Variants in GABRR1 observed in about 807,000 individuals in gnomAD.
GABRR1 encodes gamma-aminobutyric acid receptor subunit rho-1.
GABRR1 carries 59 observed loss-of-function variants against 55.5 expected under a neutral mutation model. The observed-to-expected ratio is 1.06, with a 90% CI of 0.86 to 1.32. The LOEUF (loss-of-function observed/expected upper bound fraction) is 1.32, where lower values mean the gene tolerates loss of function less well. GABRR1 is among the 40% of genes most tolerant of loss of function. The pLI, the probability that GABRR1 is intolerant of heterozygous loss-of-function variation, is 0.00. For missense variants in GABRR1, 602 were observed against 619.1 expected (o/e 0.97, Z 0.29); for synonymous variants, 213 against 226.0 (o/e 0.94, Z 0.51).
rs1487757791 is a variant in GABRR1, at chr6:89,178,563, G to A, written c.*207C>T. The A allele has an allele frequency of 3.4e-6, 2 of 582,516 alleles. No individual in the cohort carries two copies. Among genetic ancestry groups the A allele is most frequent in the East Asian group, 5.8e-5 (2 of 34,526 alleles). 36.1% of individuals were successfully genotyped at this position (582,516 alleles called of 1,614,324 possible). A position where few individuals can be genotyped will look rare whatever the true frequency, so the allele number is the denominator to read the frequency against. On this transcript the variant is annotated 3_prime_UTR_variant, in exon 10 of 10. Transcript: ENST00000454853. ...TATTTCCTGCAGCACCTAATATAAT[G>A]CTGTGTATTCAATAGATGGTTAATA...
chr6:89,215,388 C>T (rs540763038), intron 1 of GABRR1, among the ~76,000 whole-genome samples: 61 of 152,338 alleles, frequency 4.0e-4, no homozygotes, highest in Non-Finnish European at 2.8e-4. Context: ...TGCAACAGCA[C>T]GCATAAACCT....
chr6:89,209,440 G>A (rs1164759523), intron 1 of GABRR1, among the ~76,000 whole-genome samples: 1 of 152,014 alleles, frequency 6.6e-6, no homozygotes, highest in South Asian at 2.1e-4. Context: ...AATCCCCATA[G>A]CCAATTAAAT....
intron 9 of GABRR1, among the ~76,000 whole-genome samples, chr6:89,179,962 C>T (rs1172149742): frequency 3.3e-5 from 5 of 152,130 alleles, no homozygotes; most frequent in African/African-American, 1.2e-4. Context: ...ATTTGTCCCA[C>T]TATGTTAAAT....
At chr6:89,187,381 C>T (rs765741765) in intron 6 of GABRR1, among the ~76,000 whole-genome samples, 2 of 152,130 alleles carry the variant, frequency 1.3e-5, no homozygotes, top group African/African-American at 2.4e-5. Context: ...TACATAAATA[C>T]AGCCATTCTT....
chr6:89,204,595 C>T, intron 1 of GABRR1: 2 of 1,264,290 alleles, frequency 1.6e-6, no homozygotes, highest in East Asian at 5.6e-5. Flanking sequence ...CCAGCTCTTA[C>T]TTTGACTTTG....
At chr6:89,216,401 G>A (rs537492396) in intron 1 of GABRR1, among the ~76,000 whole-genome samples, 1 of 152,314 alleles carries the variant, frequency 6.6e-6, no homozygotes, top group African/African-American at 2.4e-5. Flanking sequence ...AATCAACAAC[G>A]CCCTACTGTC....
rs370940611 is a variant in GABRR1 at position 89,198,236 on chromosome 6, G to A, written c.356C>T (p.Thr119Met). 2.5e-4 allele frequency: 406 copies of A among 1,613,324 alleles called. 3 individuals are homozygous for A. The highest frequency in any genetic ancestry group is 2.0e-3 in the South Asian group (185 of 91,056). The change falls in exon 5 of 10, where the codon ACG (threonine) becomes ATG (methionine). Residue 119 changes from threonine to methionine, a missense_variant. This residue lies in a region of GABRR1 where 435 missense variants were observed against 424.2 expected (regional missense o/e 1.03). Transcript: ENST00000454853. ...GTAGTGCCTCAGGTAGAGGGTCATC[G>A]TAAAGTCCTGGGAGCAGAAGGGCAG... The part of the protein sequence containing the change: ...DSISEVDMDF[T>M]MTLYLRHYWK...
chr6:89,213,606 G>A (rs111871349), intron 1 of GABRR1, among the ~76,000 whole-genome samples: 2,647 of 152,240 alleles, frequency 0.017, 43 homozygotes, highest in Middle Eastern at 0.031. Flanking sequence ...GTAAATAGAG[G>A]AAAACACTTA....
intron 5 of GABRR1, among the ~76,000 whole-genome samples, chr6:89,194,921 A>T (rs547443907): frequency 6.6e-6 from 1 of 152,320 alleles, no homozygotes; most frequent in African/African-American, 2.4e-5. Flanking sequence ...TCTAAGAATT[A>T]TTGGTGTTCA....
chr6:89,195,715 G>T (rs372366), intron 5 of GABRR1, among the ~76,000 whole-genome samples: 67,428 of 151,510 alleles, frequency 0.45, 15,880 homozygotes, highest in East Asian at 0.91. Context: ...CAATTCCTAA[G>T]TATTTCACCA....
Position 89,201,191 on chromosome 6 carries a change from T to C in GABRR1, c.248A>G (p.Asp83Gly), listed in dbSNP as rs1178171800. The change falls in exon 3 of 10, where the codon GAC (aspartate) becomes GGC (glycine). Residue 83 changes from aspartate to glycine, a missense_variant. Physicochemically the swap from Asp to Gly is moderately conservative, Grantham distance 94. Transcript: ENST00000454853. The part of the protein sequence containing the change: ...TKSEQLLRID[D>G]HDFSMRPGFG... ...GCCAGGCCTCATGCTGAAATCATGG[T>C]CATCTATCCTCAGAAGCTGTTCTGA... 1 of 1,614,078 alleles carries C rather than the reference T, an allele frequency of 6.2e-7. No individual in the cohort carries two copies.
intron 4 of GABRR1, 60 bp downstream of exon 4, chr6:89,199,302 C>T: frequency 6.8e-7 from 1 of 1,480,712 alleles, no homozygotes; most frequent in Non-Finnish European, 9.4e-7. Flanking sequence ...CGTGGAGCTC[C>T]TGGCCCTGGA....
At chr6:89,209,033 C>A (rs759679823) in intron 1 of GABRR1, among the ~76,000 whole-genome samples, 1 of 152,184 alleles carries the variant, frequency 6.6e-6, no homozygotes, top group Non-Finnish European at 1.5e-5. Flanking sequence ...GGGCCCCTAA[C>A]ACACAGACAG....
intron 1 of GABRR1, among the ~76,000 whole-genome samples, chr6:89,208,667 C>T (rs13215160): frequency 0.16 from 24,484 of 152,222 alleles, 2,593 homozygotes; most frequent in African/African-American, 0.31. Context: ...GATGGCAACA[C>T]GCCAGCTTCT....
chr6:89,218,860 G>T (rs1194325143), upstream of GABRR1, among the ~76,000 whole-genome samples: 1 of 152,160 alleles, frequency 6.6e-6, no homozygotes, highest in African/African-American at 2.4e-5. Flanking sequence ...AGTACTTGGA[G>T]GTATTTTTCT....
intron 1 of GABRR1, among the ~76,000 whole-genome samples, chr6:89,215,854 A>C (rs958180866): frequency 2.6e-5 from 4 of 152,206 alleles, no homozygotes; most frequent in Non-Finnish European, 5.9e-5. Flanking sequence ...AAGAAAGTCT[A>C]TTTCACTCTC....
At chr6:89,199,189 T>C (rs549563141) in intron 4 of GABRR1, among the ~76,000 whole-genome samples, 173 bp downstream of exon 4, 1 of 152,288 alleles carries the variant, frequency 6.6e-6, no homozygotes, top group South Asian at 2.1e-4. Flanking sequence ...CTCTGTTTCA[T>C]ACCAATTGGG....
chr6:89,216,675 G>A (rs1029034634), intron 1 of GABRR1, among the ~76,000 whole-genome samples: 5 of 152,202 alleles, frequency 3.3e-5, no homozygotes, highest in Non-Finnish European at 7.3e-5. Context: ...AGGAGGCTCC[G>A]TCCCTGGCCC....
chr6:89,215,001 C>T (rs1373520210), intron 1 of GABRR1, among the ~76,000 whole-genome samples: 3 of 151,932 alleles, frequency 2.0e-5, no homozygotes, highest in African/African-American at 4.8e-5. Context: ...CTAAAACAAA[C>T]GAACAAAAAA....
Sources: gnomAD v4.1 joint callset for allele counts (sites outside exome capture counted in the v4.1 genomes callset) on GRCh38, gnomAD v4.1.1 for gene constraint, gnomAD v4.1.1 regional missense constraint, MANE v1.5 for transcripts, NCBI Gene and HGNC (gene_info 2026-07-23, HGNC 2026-07-21) for gene names.